The following LRP1B variants were observed in gnomAD, a reference collection of about 807,000 sequenced individuals.
The protein encoded by LRP1B is LDL receptor related protein 1B.
A neutral mutation model predicts 556.6 loss-of-function variants in LRP1B; 217 were observed. That is an observed-to-expected ratio of 0.39 (90% confidence interval 0.35 to 0.44). The LOEUF is 0.44. LRP1B is among the 20% of genes least tolerant of loss of function. The probability of loss-of-function intolerance (pLI) is 1.00; values close to 1 mark genes in which losing one functional copy is unlikely to be tolerated. For missense variants in LRP1B, 5,053 were observed against 5,620.8 expected (o/e 0.90, Z 3.23); for synonymous variants, 2,047 against 1,865.8 (o/e 1.10, Z -2.50).
rs1369019992 is a variant in LRP1B at position 141,874,955 on chromosome 2, TAA to T, written c.83-64556_83-64555del. 1.9e-4 allele frequency among the ~76,000 whole-genome samples: 28 copies of T among 150,812 alleles called. No individual in the cohort carries two copies. In the South Asian group the frequency reaches 2.9e-3, roughly 16 times the overall value. ...TAATTAAACCCCTGTGTAGATTTTA[TAA>T]GAGATATTATATTCTTAAATCCCAG... On this transcript the variant is annotated intron_variant, in intron 1 of 90. Coordinates refer to ENST00000389484, the MANE Select transcript of LRP1B (RefSeq NM_018557.3).
chr2:141,451,410 A>G (rs1423332160), intron 3 of LRP1B, among the ~76,000 whole-genome samples: 5 of 152,242 alleles, frequency 3.3e-5, no homozygotes, highest in Non-Finnish European at 7.3e-5. Context: ...ATAATACACT[A>G]TAATAATTGT....
intron 3 of LRP1B, among the ~76,000 whole-genome samples, chr2:141,373,586 T>A (rs1317542246): frequency 7.6e-6 from 1 of 131,332 alleles, no homozygotes; most frequent in African/African-American, 2.5e-5. Context: ...CCTTTATCAT[T>A]ACATAATCAC....
intron 20 of LRP1B, among the ~76,000 whole-genome samples, chr2:140,936,366 A>G (rs928496331): frequency 2.8e-4 from 28 of 99,338 alleles, no homozygotes; most frequent in African/African-American, 1.1e-3. Flanking sequence ...AAAAAAAGAA[A>G]GGAAAAAAGA....
intron 66 of LRP1B, among the ~76,000 whole-genome samples, chr2:140,424,606 G>A (rs1273189149): frequency 6.6e-6 from 1 of 152,232 alleles, no homozygotes; most frequent in Non-Finnish European, 1.5e-5. Context: ...TTGGAATGTT[G>A]CAGGGAGTGG....
chr2:140,331,546 C>A (rs1300545880), intron 79 of LRP1B, among the ~76,000 whole-genome samples: 1 of 151,846 alleles, frequency 6.6e-6, no homozygotes, highest in Non-Finnish European at 1.5e-5. Context: ...TTATGTCACC[C>A]AACCTGTGCC....
At chr2:141,637,264 T>G (rs1179920659) in intron 2 of LRP1B, among the ~76,000 whole-genome samples, 1 of 152,138 alleles carries the variant, frequency 6.6e-6, no homozygotes, top group Admixed American at 6.6e-5. Flanking sequence ...GAAGTTAAAG[T>G]AACCGAGGAA....
At chr2:140,806,402 G>T (rs112643149) in intron 32 of LRP1B, among the ~76,000 whole-genome samples, 1 of 151,846 alleles carries the variant, frequency 6.6e-6, no homozygotes, top group Non-Finnish European at 1.5e-5. Context: ...ATCATTTAGC[G>T]CCATAAAACA....
At chr2:141,360,783 G>C (rs1041036517) in intron 3 of LRP1B, among the ~76,000 whole-genome samples, 1 of 152,094 alleles carries the variant, frequency 6.6e-6, no homozygotes, top group African/African-American at 2.4e-5. Flanking sequence ...ACTTTCATTC[G>C]CTATATAGGA....
At chr2:140,982,311 T>A (rs1406352498) in intron 17 of LRP1B, 35 bp from the exon 18 acceptor site, 1 of 1,378,414 alleles carries the variant, frequency 7.3e-7, no homozygotes, top group Non-Finnish European at 1.0e-6. Context: ...AAAATCAATT[T>A]AGAGGCATTT....
At position 140,499,755 on chromosome 2, in the gene LRP1B, A is replaced by G. The variant is rs182696255; in HGVS notation, c.8850+1932T>C. ...AAATATTTAGAAACGTTTAAAAAAT[A>G]TTTAAAAATGTTTAGAAAAGGTACA... On this transcript the variant is annotated intron_variant, in intron 55 of 90. Transcript: ENST00000389484. 4.6e-3 allele frequency among the ~76,000 whole-genome samples: 692 copies of G among 151,596 alleles called. 6 individuals are homozygous for G. Among genetic ancestry groups the G allele is most frequent in the African/African-American group, 0.016 (674 of 41,476 alleles).
intron 1 of LRP1B, among the ~76,000 whole-genome samples, chr2:141,971,296 G>C (rs998430484): frequency 6.6e-6 from 1 of 151,268 alleles, no homozygotes; most frequent in African/African-American, 2.4e-5. Flanking sequence ...AAATATCCTT[G>C]AAAAAAGTAT....
At chr2:142,060,985 T>C (rs1054632415) in intron 1 of LRP1B, among the ~76,000 whole-genome samples, 2 of 151,466 alleles carry the variant, frequency 1.3e-5, no homozygotes, top group African/African-American at 4.9e-5. Flanking sequence ...GAAACAGGAG[T>C]GAAGTTAGAA....
Position 141,810,283 on chromosome 2 carries a change from A to T in LRP1B, c.201T>A (p.Asp67Glu), listed in dbSNP as rs2105707190. The change falls in exon 2 of 91, where the codon GAT becomes GAA. Residue 67 changes from aspartate (D) to glutamate (E), a missense_variant. Physicochemically the swap from Asp to Glu is conservative, Grantham distance 45 (BLOSUM62 2). Around this residue, in one of 5 missense-constraint regions of LRP1B, gnomAD observed 3,619 missense variants for 3,931.9 expected, o/e 0.92. Transcript: ENST00000389484. ...CATGAGAACCTTTCTACTCACAGGT[A>T]TCTAAAGACTCGTCTGAATCATCAG... ...DCPDDSDESL[D>E]TCPEEVEIKC... 6.2e-7 allele frequency: 1 copy of T among 1,612,974 alleles called. No individual in the cohort carries two copies. The highest frequency in any genetic ancestry group is 8.5e-7 in the Non-Finnish European group (1 of 1,179,300).
intron 3 of LRP1B, among the ~76,000 whole-genome samples, chr2:141,282,315 C>T (rs933562190): frequency 1.3e-5 from 2 of 151,888 alleles, no homozygotes; most frequent in African/African-American, 4.8e-5. Context: ...TTTGTAGAGA[C>T]AATCTGGACA....
At chr2:140,414,449 T>C (rs1289415267) in intron 66 of LRP1B, among the ~76,000 whole-genome samples, 1 of 152,124 alleles carries the variant, frequency 6.6e-6, no homozygotes, top group Admixed American at 6.6e-5. Context: ...AATCCACATT[T>C]ACTGTAAGTC....
At chr2:141,205,744 G>C (rs1011970561) in intron 6 of LRP1B, among the ~76,000 whole-genome samples, 2 of 152,012 alleles carry the variant, frequency 1.3e-5, no homozygotes, top group African/African-American at 4.8e-5. Flanking sequence ...TTTTTCAAAT[G>C]TCTTTGAAAA....
Position 140,888,734 on chromosome 2 carries a change from C to T in LRP1B, c.3767-2399G>A, listed in dbSNP as rs1051689846. Reference sequence around the variant, plus strand: ...ATCCCAGCACTTTGGGAAGCCAAGGCTCGTGGATCACCTGAGGTCAGGAGT... The same window carrying T: ...ATCCCAGCACTTTGGGAAGCCAAGGTTCGTGGATCACCTGAGGTCAGGAGT... On this transcript the variant is annotated intron_variant, in intron 23 of 90. Transcript: ENST00000389484. 3.3e-5 allele frequency among the ~76,000 whole-genome samples: 5 copies of T among 151,818 alleles called. No individual in the cohort carries two copies. The South Asian group carries it at 8.3e-4, about 25-fold the overall frequency.
chr2:140,364,825 T>C, intron 71 of LRP1B, 42 bp from the exon 72 acceptor site: 1 of 1,583,874 alleles, frequency 6.3e-7, no homozygotes, highest in Non-Finnish European at 8.6e-7. Context: ...TTCAGAGTAA[T>C]CAGTGCCAGT....
chr2:141,889,228 A>T (rs1208177042), intron 1 of LRP1B, among the ~76,000 whole-genome samples: 2 of 152,162 alleles, frequency 1.3e-5, no homozygotes, highest in African/African-American at 2.4e-5. Flanking sequence ...AATAAGAAAA[A>T]ATGGAAGAAA....
Sources: gnomAD v4.1 joint callset for allele counts (sites outside exome capture counted in the v4.1 genomes callset) on GRCh38, gnomAD v4.1.1 for gene constraint, gnomAD v4.1.1 regional missense constraint, MANE v1.5 for transcripts, NCBI Gene and HGNC (gene_info 2026-07-23, HGNC 2026-07-21) for gene names.